The following FARP1 variants were observed in gnomAD, a reference collection of about 807,000 sequenced individuals.
FARP1 encodes FERM, ARH/RhoGEF and pleckstrin domain protein 1.
Under a neutral mutation model 128.8 loss-of-function variants are expected in FARP1, and 52 were observed. The observed-to-expected ratio is 0.40, with a 90% confidence interval of 0.32 to 0.51. The LOEUF (loss-of-function observed/expected upper bound fraction) is 0.51. Ranked by LOEUF, FARP1 falls within the 20% of genes least tolerant of loss-of-function variation. FARP1 has a pLI of 0.45. For synonymous variants in FARP1, 580 were observed against 551.8 expected, an observed-to-expected ratio of 1.05 and a Z score of -0.72; for missense variants, 1,333 against 1,367.9, an observed-to-expected ratio of 0.97 and a Z score of 0.40.
chr13:98,227,654 G>A (rs1323562528), intron 2 of FARP1, among the ~76,000 whole-genome samples: 2 of 152,158 alleles, frequency 1.3e-5, no homozygotes, highest in Admixed American at 6.5e-5. Flanking sequence ...GGATCTCGTC[G>A]AGATAATTGA....
rs752040488 is a variant in FARP1 at position 98,440,852 on chromosome 13, G to A, written c.2796+16G>A. On this transcript the variant is annotated intron_variant, in intron 24 of 26. Transcript: ENST00000319562. ...CGCAGTGGAGGTACGCAGGGGCAGG[G>A]CAGCTCTGGTTCCCAGCTTGTGCTG... The A allele has an allele frequency of 1.9e-6, 3 of 1,580,760 alleles. No homozygotes were observed. The highest frequency in any genetic ancestry group is 4.7e-5 in the East Asian group (2 of 42,994).
intron 4 of FARP1, among the ~76,000 whole-genome samples, chr13:98,366,815 A>G (rs1283076490): frequency 6.6e-6 from 1 of 152,100 alleles, no homozygotes; most frequent in East Asian, 1.9e-4. Flanking sequence ...AGAGTTTGTT[A>G]ATTTTAATGC....
chr13:98,305,119 T>TATATA (rs769255549), intron 2 of FARP1, among the ~76,000 whole-genome samples: 7 of 5,286 alleles, frequency 1.3e-3, no homozygotes, highest in Non-Finnish European at 2.7e-3. Flanking sequence ...TATATATATA[T>TATATA]TTTTTAATTT....
intron 2 of FARP1, among the ~76,000 whole-genome samples, chr13:98,323,275 C>T (rs964911361): frequency 6.6e-6 from 1 of 151,864 alleles, no homozygotes; most frequent in Non-Finnish European, 1.5e-5. Flanking sequence ...TTTGTTGCCA[C>T]AGTTTCATTA....
chr13:98,160,657 T>A (rs888137015), intron 1 of FARP1, among the ~76,000 whole-genome samples: 6 of 152,102 alleles, frequency 3.9e-5, no homozygotes, highest in African/African-American at 9.7e-5. Context: ...TTTTTAAAAA[T>A]TTTTTTAATT....
chr13:98,295,615 CT>C (rs895015951), intron 2 of FARP1, among the ~76,000 whole-genome samples: 1 of 152,170 alleles, frequency 6.6e-6, no homozygotes, highest in Non-Finnish European at 1.5e-5. Context: ...CTTTGACTTG[CT>C]GATCTTGTTC....
At chr13:98,330,901 C>G (rs1360174191) in intron 2 of FARP1, among the ~76,000 whole-genome samples, 1 of 152,162 alleles carries the variant, frequency 6.6e-6, no homozygotes, top group African/African-American at 2.4e-5. Context: ...GCATGTGAGG[C>G]TCTCTAGGTT....
At chr13:98,428,242 G>GCACACAT (rs1891861411) in intron 17 of FARP1, among the ~76,000 whole-genome samples, 1 of 152,144 alleles carries the variant, frequency 6.6e-6, no homozygotes, top group African/African-American at 2.4e-5. Context: ...ATGTCCACTT[G>GCACACAT]CACACATCCA....
intron 8 of FARP1, among the ~76,000 whole-genome samples, chr13:98,387,877 G>A (rs760715556): frequency 6.6e-6 from 1 of 152,244 alleles, no homozygotes; most frequent in Non-Finnish European, 1.5e-5. Context: ...CCAGGAAGGC[G>A]TGTGCTTGGA....
At chr13:98,373,528 A>AGACG (rs199640740) in intron 5 of FARP1, among the ~76,000 whole-genome samples, 2,376 of 123,424 alleles carry the variant, frequency 0.019, 58 homozygotes, top group African/African-American at 0.075. Context: ...AGAGACAGAC[A>AGACG]GACAGACACA....
intron 2 of FARP1, among the ~76,000 whole-genome samples, chr13:98,253,282 TGG>T (rs1883433381): frequency 6.6e-6 from 1 of 152,234 alleles, no homozygotes; most frequent in Admixed American, 6.5e-5. Context: ...AACCCACTGC[TGG>T]GGCTGCAGAA....
chr13:98,233,456 A>C (rs890399551), intron 2 of FARP1, among the ~76,000 whole-genome samples: 2 of 151,932 alleles, frequency 1.3e-5, no homozygotes, highest in South Asian at 2.1e-4. Context: ...AGGGGAAAGA[A>C]CTCAGCCAAG....
At chr13:98,416,999 G>C (rs1891398878) in intron 16 of FARP1, among the ~76,000 whole-genome samples, 1 of 152,208 alleles carries the variant, frequency 6.6e-6, no homozygotes, top group South Asian at 2.1e-4. Flanking sequence ...GGGAGGACCA[G>C]ACTGACTGAA....
At chr13:98,256,966 T>TGG (rs1883642660) in intron 2 of FARP1, among the ~76,000 whole-genome samples, 1 of 128,570 alleles carries the variant, frequency 7.8e-6, no homozygotes. Context: ...TATATATATA[T>TGG]ATATATATAT....
chr13:98,279,230 T>A (rs1213467991), intron 2 of FARP1, among the ~76,000 whole-genome samples: 7 of 152,212 alleles, frequency 4.6e-5, no homozygotes, highest in African/African-American at 1.7e-4. Context: ...TGTGCCAGTA[T>A]TAACATTTAT....
chr13:98,268,659 G>A (rs997788835), intron 2 of FARP1, among the ~76,000 whole-genome samples: 8 of 151,922 alleles, frequency 5.3e-5, no homozygotes, highest in Non-Finnish European at 1.0e-4. Flanking sequence ...GTAGAGACAG[G>A]GTTTCATCAT....
intron 1 of FARP1, among the ~76,000 whole-genome samples, chr13:98,151,611 G>A (rs1239265670): frequency 6.8e-6 from 1 of 146,706 alleles, no homozygotes; most frequent in South Asian, 2.3e-4. Context: ...GTGACAATTT[G>A]GAGTATAGTT....
chr13:98,406,929 C>A (rs9517282), intron 13 of FARP1: 72,332 of 152,448 alleles, frequency 0.47, 17,720 homozygotes, highest in Non-Finnish European at 0.54. Flanking sequence ...GAGTGTGCTC[C>A]CCCTACTTTT....
intron 2 of FARP1, among the ~76,000 whole-genome samples, chr13:98,297,172 G>A (rs575005364): frequency 2.0e-5 from 3 of 152,360 alleles, no homozygotes; most frequent in East Asian, 3.9e-4. Context: ...AAGATAGGCT[G>A]TAGGGTAGCC....
Sources: allele counts gnomAD v4.1 joint callset (sites outside exome capture counted in the v4.1 genomes callset), GRCh38; gene constraint gnomAD v4.1.1; transcripts MANE v1.5; gene names NCBI Gene and HGNC (gene_info 2026-07-23, HGNC 2026-07-21).